The following NFILZ variants were observed in gnomAD, a reference collection of about 807,000 sequenced individuals.
The protein encoded by NFILZ is NFIL3 like basic leucine zipper.
intron 1 of NFILZ, among the ~76,000 whole-genome samples, chr19:8,631,830 T>TTGTGTGTG (rs71179868): frequency 7.5e-5 from 11 of 146,010 alleles, no homozygotes; most frequent in African/African-American, 2.6e-4. Flanking sequence ...GTCCTCGCTT[T>TTGTGTGTG]TGTGTGTGTG....
At chr19:8,660,251 G>A (rs897141456) in intron 3 of NFILZ, among the ~76,000 whole-genome samples, 2 of 152,148 alleles carry the variant, frequency 1.3e-5, no homozygotes, top group Admixed American at 1.3e-4. Flanking sequence ...TCTCCCAAGG[G>A]TGTTGTGAGA....
At chr19:8,647,826 C>CAA (rs2042948232) in intron 3 of NFILZ, among the ~76,000 whole-genome samples, 1 of 149,268 alleles carries the variant, frequency 6.7e-6, no homozygotes, top group South Asian at 2.1e-4. Context: ...CACACACACA[C>CAA]ACACACACAC....
At chr19:8,634,245 C>A (rs1429150856) in intron 2 of NFILZ, among the ~76,000 whole-genome samples, 1 of 151,934 alleles carries the variant, frequency 6.6e-6, no homozygotes, top group Non-Finnish European at 1.5e-5. Context: ...TGATCCACCC[C>A]CTTGGTCTCC....
At chr19:8,645,541 G>C (rs1230927363) in intron 3 of NFILZ, among the ~76,000 whole-genome samples, 1 of 152,144 alleles carries the variant, frequency 6.6e-6, no homozygotes, top group Non-Finnish European at 1.5e-5. Flanking sequence ...ACAGTGATTG[G>C]CTCAGGAGTG....
chr19:8,652,534 AC>A (rs1231486780), intron 3 of NFILZ, among the ~76,000 whole-genome samples: 2 of 152,200 alleles, frequency 1.3e-5, no homozygotes, highest in African/African-American at 4.8e-5. Flanking sequence ...ATGGCAACTT[AC>A]GCTTTAAAAT....
At chr19:8,670,650 A>G (rs2146170873) in intron 3 of NFILZ, among the ~76,000 whole-genome samples, 1 of 152,278 alleles carries the variant, frequency 6.6e-6, no homozygotes, top group East Asian at 1.9e-4. Context: ...GGGTTGGGTG[A>G]CTATAGAATC....
intron 2 of NFILZ, among the ~76,000 whole-genome samples, chr19:8,633,898 C>A (rs563244288): frequency 1.4e-5 from 2 of 138,206 alleles, no homozygotes; most frequent in Non-Finnish European, 3.2e-5. Context: ...TTCCTTCCTT[C>A]CTTCCTTCCT....
chr19:8,647,769 ACG>A (rs1568419345), intron 3 of NFILZ, among the ~76,000 whole-genome samples: 6 of 136,656 alleles, frequency 4.4e-5, no homozygotes, highest in Admixed American at 1.5e-4. Context: ...ACACACACAC[ACG>A]CACACATGCG....
At chr19:8,645,327 G>C (rs1452819936) in intron 3 of NFILZ, among the ~76,000 whole-genome samples, 1 of 146,760 alleles carries the variant, frequency 6.8e-6, no homozygotes, top group African/African-American at 2.5e-5. Context: ...TTTAAGATAT[G>C]GGGGTCTAGC....
chr19:8,647,085 T>C (rs1188114995), intron 3 of NFILZ, among the ~76,000 whole-genome samples: 3 of 152,162 alleles, frequency 2.0e-5, no homozygotes, highest in African/African-American at 7.2e-5. Flanking sequence ...CAGAGGAGGC[T>C]ATTATGTGGA....
intron 3 of NFILZ, among the ~76,000 whole-genome samples, chr19:8,641,829 CTTTT>C (rs3040050): frequency 1.4e-5 from 2 of 147,768 alleles, no homozygotes; most frequent in Non-Finnish European, 3.0e-5. Context: ...TAAATGATAG[CTTTT>C]TTTTTTTTTA....
chr19:8,663,809 T>C (rs1555749478), intron 3 of NFILZ, among the ~76,000 whole-genome samples: 1 of 149,502 alleles, frequency 6.7e-6, no homozygotes, highest in African/African-American at 2.5e-5. Context: ...CTTGGTGGCC[T>C]GAGTGGGGTC....
At chr19:8,659,792 C>T (rs1298208217) in intron 3 of NFILZ, among the ~76,000 whole-genome samples, 1 of 152,076 alleles carries the variant, frequency 6.6e-6, no homozygotes, top group Admixed American at 6.6e-5. Flanking sequence ...GAAGCTCTGG[C>T]CTGTTTCCAG....
chr19:8,661,646 C>T (rs781969999), intron 3 of NFILZ, among the ~76,000 whole-genome samples: 1 of 152,166 alleles, frequency 6.6e-6, no homozygotes, highest in Non-Finnish European at 1.5e-5. Flanking sequence ...AATCCCAACA[C>T]TTTGGGAGTC....
intron 3 of NFILZ, among the ~76,000 whole-genome samples, chr19:8,657,812 TC>T (rs2043011770): frequency 6.6e-6 from 1 of 152,080 alleles, no homozygotes; most frequent in South Asian, 2.1e-4. Flanking sequence ...CCCCTCATTT[TC>T]CCCACCACCT....
rs553608713 is a variant in NFILZ at position 8,678,652 on chromosome 19, C to T, written c.*1017C>T. Among the ~76,000 whole-genome samples, 113 of 151,892 alleles carry T rather than the reference C, an allele frequency of 7.4e-4. No individual in the cohort carries two copies. Among genetic ancestry groups the T allele is most frequent in the African/African-American group, 2.7e-3 (110 of 41,398 alleles). On this transcript the variant is annotated 3_prime_UTR_variant, in exon 6 of 6. Transcript: ENST00000691075. ...ATTTACCCATCCATCCATCCATCCT[C>T]ACCCATCCATCTACACATCCTTCCT...
intron 3 of NFILZ, among the ~76,000 whole-genome samples, chr19:8,644,406 G>A (rs2042930627): frequency 6.6e-6 from 1 of 151,980 alleles, no homozygotes; most frequent in South Asian, 2.1e-4. Context: ...TGGTAATAGG[G>A]TCAACTTGTA....
intron 3 of NFILZ, among the ~76,000 whole-genome samples, chr19:8,661,104 T>TCCTCCCTTCC (rs2043029417): frequency 3.3e-5 from 1 of 30,310 alleles, no homozygotes; most frequent in Non-Finnish European, 6.4e-5. Context: ...CCCTTCCTCC[T>TCCTCCCTTCC]TCCTTCCTTC....
At chr19:8,653,397 T>C (rs1568420578) in intron 3 of NFILZ, among the ~76,000 whole-genome samples, 1 of 152,002 alleles carries the variant, frequency 6.6e-6, no homozygotes, top group Non-Finnish European at 1.5e-5. Context: ...TATTTCATGG[T>C]TATTGTTTTA....
Sources: gnomAD v4.1 joint callset for allele counts (sites outside exome capture counted in the v4.1 genomes callset) on GRCh38, gnomAD v4.1.1 for gene constraint, MANE v1.5 for transcripts, NCBI Gene and HGNC (gene_info 2026-07-23, HGNC 2026-07-21) for gene names.